XYLT1: variants seen among roughly 807,000 people sequenced by gnomAD.
XYLT1 encodes the protein beta-D-xylosyltransferase 1.
In XYLT1, 36 loss-of-function variants were observed where a neutral mutation model predicts 91.3. The observed-to-expected ratio is 0.39, with a 90% confidence interval of 0.30 to 0.52. The LOEUF is 0.52. Ranked by LOEUF, XYLT1 falls within the 20% of genes least tolerant of loss-of-function variation. XYLT1 has a pLI of 0.68. For synonymous variants in XYLT1, 588 were observed against 532.0 expected (o/e 1.11, Z -1.45); for missense variants, 1,242 against 1,284.5 (o/e 0.97, Z 0.51).
At chr16:17,243,261 G>C (rs189035459) in intron 3 of XYLT1, among the ~76,000 whole-genome samples, 197 of 152,324 alleles carry the variant, frequency 1.3e-3, no homozygotes, top group African/African-American at 4.5e-3. Context: ...TCATTAGGGT[G>C]ACCAGATAAC....
intron 3 of XYLT1, among the ~76,000 whole-genome samples, chr16:17,213,722 G>A (rs1314061794): frequency 6.6e-6 from 1 of 151,948 alleles, no homozygotes. Context: ...GGGTTCAAGC[G>A]ATTCTCCTGT....
At chr16:17,282,967 C>A (rs533943046) in intron 2 of XYLT1, among the ~76,000 whole-genome samples, 4 of 152,110 alleles carry the variant, frequency 2.6e-5, no homozygotes, top group South Asian at 2.1e-4. Flanking sequence ...GTCACCCCCC[C>A]CAAGTCACAC....
intron 3 of XYLT1, among the ~76,000 whole-genome samples, chr16:17,221,561 C>T: frequency 6.6e-6 from 1 of 152,132 alleles, no homozygotes. Flanking sequence ...ATTACTCCAA[C>T]CTGCCTTAAA....
At chr16:17,361,944 C>T (rs1161861729) in intron 1 of XYLT1, among the ~76,000 whole-genome samples, 1 of 152,120 alleles carries the variant, frequency 6.6e-6, no homozygotes, top group Admixed American at 6.6e-5. Flanking sequence ...TTCGTTTACC[C>T]CTGTAATAAC....
At chr16:17,195,490 G>A (rs113552646) in intron 5 of XYLT1, among the ~76,000 whole-genome samples, 105 of 151,956 alleles carry the variant, frequency 6.9e-4, no homozygotes, top group African/African-American at 2.5e-3. Context: ...TGTGTCGCCA[G>A]GCTGGAGTAC....
intron 1 of XYLT1, among the ~76,000 whole-genome samples, chr16:17,427,556 T>C (rs1480576811): frequency 6.6e-6 from 1 of 152,162 alleles, no homozygotes; most frequent in African/African-American, 2.4e-5. Flanking sequence ...AGCGCTGGGA[T>C]TACAGGCGTG....
At chr16:17,130,066 G>A (rs1174999217) in intron 9 of XYLT1, among the ~76,000 whole-genome samples, 2 of 152,208 alleles carry the variant, frequency 1.3e-5, no homozygotes, top group East Asian at 3.8e-4. Context: ...GAGCATGCCT[G>A]GGCTAGCTTG....
intron 1 of XYLT1, among the ~76,000 whole-genome samples, chr16:17,435,512 T>A (rs895555225): frequency 6.6e-6 from 1 of 152,092 alleles, no homozygotes; most frequent in Non-Finnish European, 1.5e-5. Flanking sequence ...ATGAGGGCCC[T>A]TTGGGCTATT....
chr16:17,398,896 G>C (rs954845887), intron 1 of XYLT1, among the ~76,000 whole-genome samples: 1 of 140,410 alleles, frequency 7.1e-6, no homozygotes. Flanking sequence ...CCAGGCTGGA[G>C]TGCAGTGGCT....
intron 5 of XYLT1, among the ~76,000 whole-genome samples, chr16:17,183,767 T>C (rs553734167): frequency 6.6e-6 from 1 of 152,306 alleles, no homozygotes; most frequent in East Asian, 1.9e-4. Flanking sequence ...GTGGCTACTA[T>C]TGACCATGCT....
chr16:17,200,503 G>C lies in XYLT1; in HGVS notation c.1065C>G (p.Phe355Leu), dbSNP rs760009272. 1 of 1,614,104 alleles carries C rather than the reference G, an allele frequency of 6.2e-7. No homozygotes were observed. Among genetic ancestry groups the C allele is most frequent in the Non-Finnish European group, 8.5e-7 (1 of 1,179,932 alleles). ...TCACCTTGTCCACGTGGATGTAGTA[G>C]AAGTGGTCTTTGTGGTAGATGGCCT... ...MFKAIYHKDH[F>L]YYIHVDKRSN... Residue 355 changes from phenylalanine (F) to leucine (L), a missense_variant, in exon 4 of 12, where the codon TTC (phenylalanine) becomes TTG (leucine). By Grantham distance (22) the Phe-to-Leu change is conservative. Transcript: ENST00000261381.
intron 5 of XYLT1, chr16:17,197,972 G>A (rs2141586820): frequency 1.7e-6 from 1 of 580,262 alleles, no homozygotes; most frequent in South Asian, 2.1e-5. Context: ...GTTTCCGTCT[G>A]TTTAGTGCAC....
rs143159010 is a variant in XYLT1 at position 17,323,902 on chromosome 16, T to A, written c.402+34110A>T. Reference sequence around the variant, plus strand: ...CGCAGATAATACTAAAAGCATCATATGTAGCTTTAAAACATTTAACTTATT... The same window carrying A: ...CGCAGATAATACTAAAAGCATCATAAGTAGCTTTAAAACATTTAACTTATT... On this transcript the variant is annotated intron_variant, in intron 2 of 11. Coordinates refer to ENST00000261381, the MANE Select transcript of XYLT1 (RefSeq NM_022166.4). 1.6e-3 allele frequency among the ~76,000 whole-genome samples: 246 copies of A among 152,330 alleles called. 2 individuals carry two copies. Among genetic ancestry groups the A allele is most frequent in the African/African-American group, 5.7e-3 (235 of 41,570 alleles).
chr16:17,168,732 A>G (rs2031756880), intron 5 of XYLT1, among the ~76,000 whole-genome samples: 1 of 152,178 alleles, frequency 6.6e-6, no homozygotes, highest in African/African-American at 2.4e-5. Flanking sequence ...AGCCACCATG[A>G]GCAACTGAGG....
chr16:17,303,001 T>G (rs1355077085), intron 2 of XYLT1, among the ~76,000 whole-genome samples: 2 of 151,718 alleles, frequency 1.3e-5, no homozygotes, highest in Non-Finnish European at 2.9e-5. Flanking sequence ...GCAGTATGGG[T>G]AGGGAAGGGG....
chr16:17,127,698 G>A lies in XYLT1; in HGVS notation c.2191C>T (p.Pro731Ser). ...PKKVFKIASP[P>S]SDFGRLQFSE... ...AACTGAAGCCTCCCAAAGTCACTGG[G>A]TGGGCTTGCGATCTTGAAGACTTTT... The change falls in exon 10 of 12, where the codon CCC (proline) becomes TCC (serine). Residue 731 changes from proline (P) to serine (S), a missense_variant. Pro to Ser is a moderately conservative substitution (Grantham distance 74, BLOSUM62 -1). Transcript: ENST00000261381. 1 of 1,614,154 alleles carries A rather than the reference G, an allele frequency of 6.2e-7. No individual in the cohort carries two copies. The highest frequency in any genetic ancestry group is 8.5e-7 in the Non-Finnish European group (1 of 1,180,020).
At chr16:17,227,070 A>G (rs1488325298) in intron 3 of XYLT1, 1 of 152,270 alleles carries the variant, frequency 6.6e-6, no homozygotes, top group East Asian at 1.9e-4. Flanking sequence ...GTTTACAAAC[A>G]GCTCCTGAGC....
chr16:17,290,397 C>G (rs1025967184), intron 2 of XYLT1, among the ~76,000 whole-genome samples: 4 of 152,264 alleles, frequency 2.6e-5, no homozygotes, highest in Non-Finnish European at 5.9e-5. Context: ...CCACCAACCT[C>G]AGTCCCGGGA....
chr16:17,126,924 G>A (rs74010711), intron 10 of XYLT1, among the ~76,000 whole-genome samples: 5,339 of 152,254 alleles, frequency 0.035, 315 homozygotes, highest in African/African-American at 0.12. Context: ...CAGCTCTCTT[G>A]TGAACAATCA....
Sources: gnomAD v4.1 joint callset for allele counts (sites outside exome capture counted in the v4.1 genomes callset) on GRCh38, gnomAD v4.1.1 for gene constraint, MANE v1.5 for transcripts, NCBI Gene and HGNC (gene_info 2026-07-23, HGNC 2026-07-21) for gene names.